The following HYAL4 variants were observed in gnomAD, a reference collection of about 807,000 sequenced individuals.
HYAL4 encodes the protein hyaluronidase-4.
In HYAL4, 37 loss-of-function variants were observed where a neutral mutation model predicts 35.2. The ratio of observed to expected loss-of-function variants is 1.05; its 90% CI spans 0.81 to 1.38. The LOEUF is 1.38. Ranked by LOEUF, HYAL4 falls within the 40% of genes most tolerant of loss-of-function variation. The probability of loss-of-function intolerance (pLI) is 0.00; values close to 1 mark genes in which losing one functional copy is unlikely to be tolerated. For synonymous variants in HYAL4, 198 were observed against 203.2 expected, an observed-to-expected ratio of 0.97 and a Z score of 0.22; for missense variants, 572 against 572.4, an observed-to-expected ratio of 1.00 and a Z score of 0.01.
the HYAL4 span, among the ~76,000 whole-genome samples, chr7:123,799,039 G>A: frequency 6.6e-6 from 1 of 152,136 alleles, no homozygotes; most frequent in Non-Finnish European, 1.5e-5. Flanking sequence ...CTTGCAACTA[G>A]ACTGAAGGGG....
chr7:123,796,231 C>A, the HYAL4 span, among the ~76,000 whole-genome samples: 2 of 152,192 alleles, frequency 1.3e-5, no homozygotes, highest in African/African-American at 2.4e-5. Context: ...TGGGAACAGA[C>A]AACTGTGGAG....
At chr7:123,805,866 G>C in the HYAL4 span, among the ~76,000 whole-genome samples, 1 of 152,042 alleles carries the variant, frequency 6.6e-6, no homozygotes, top group Non-Finnish European at 1.5e-5. Context: ...GTAGTGGCAG[G>C]CACCTGTAAT....
the HYAL4 span, among the ~76,000 whole-genome samples, chr7:123,798,350 T>TTCCTTATTATGGGATGA: frequency 6.6e-6 from 1 of 152,012 alleles, no homozygotes; most frequent in African/African-American, 2.4e-5. Flanking sequence ...AGGGAAAGAG[T>TTCCTTATTATGGGATGA]AGGTGTGTTC....
the HYAL4 span, among the ~76,000 whole-genome samples, chr7:123,813,180 G>A: frequency 1.3e-5 from 2 of 151,990 alleles, no homozygotes; most frequent in Admixed American, 1.3e-4. Context: ...AAGAAACTGA[G>A]TTTAATTATA....
chr7:123,794,633 C>T, the HYAL4 span, among the ~76,000 whole-genome samples: 1 of 152,222 alleles, frequency 6.6e-6, no homozygotes, highest in Non-Finnish European at 1.5e-5. Flanking sequence ...TGGCAGCTTA[C>T]ATGTGGTTTT....
chr7:123,876,179 A>G, intron 4 of HYAL4: 1 of 391,680 alleles, frequency 2.6e-6, no homozygotes, highest in Non-Finnish European at 5.0e-6. Context: ...TTTGAATTGT[A>G]TTAGAAGTAC....
At chr7:123,795,786 T>C in the HYAL4 span, among the ~76,000 whole-genome samples, 22 of 152,276 alleles carry the variant, frequency 1.4e-4, no homozygotes, top group African/African-American at 4.8e-4. Context: ...ATGAAACATA[T>C]GAAGTTGTAA....
the HYAL4 span, among the ~76,000 whole-genome samples, chr7:123,769,894 C>T: frequency 1.6e-3 from 236 of 149,900 alleles, 1 homozygote; most frequent in Middle Eastern, 0.011. Flanking sequence ...GATATGAGGA[C>T]TCGTGGATTT....
the HYAL4 span, among the ~76,000 whole-genome samples, chr7:123,800,306 A>T: frequency 2.0e-5 from 3 of 150,364 alleles, no homozygotes; most frequent in Non-Finnish European, 4.4e-5. Context: ...AGTAGCTGGG[A>T]CTACGGGCAC....
Position 123,868,381 on chromosome 7 carries a change from AC to A in HYAL4, c.110del (p.Pro37LeufsTer13). 6.2e-7 allele frequency: 1 copy of A among 1,612,850 alleles called. No individual in the cohort carries two copies. Among genetic ancestry groups the A allele is most frequent in the Non-Finnish European group, 8.5e-7 (1 of 1,179,356 alleles). ...TTCTAAAGTCTATCTCTTGTCTAAAACCTGCTCGACTTCCAATTTATCAAAG... is the reference window on the plus strand; with the variant it reads ...TTCTAAAGTCTATCTCTTGTCTAAAACTGCTCGACTTCCAATTTATCAAAG... ...FILKSISCLKPARLPIYQRKP... is the reference protein window; with the variant it reads ...FILKSISCLKXARLPIYQRKP... On this transcript the variant is annotated frameshift_variant, in exon 3 of 5. Coordinates refer to ENST00000223026, the MANE Select transcript of HYAL4 (RefSeq NM_012269.3). LOFTEE classifies it high-confidence loss of function.
the HYAL4 span, among the ~76,000 whole-genome samples, chr7:123,768,066 C>T: frequency 2.0e-5 from 3 of 152,116 alleles, no homozygotes; most frequent in Middle Eastern, 6.8e-3. Flanking sequence ...TCTGGCAACC[C>T]TACCACAAAG....
chr7:123,864,359 G>C (rs1430107786), intron 2 of HYAL4, among the ~76,000 whole-genome samples: 1 of 152,156 alleles, frequency 6.6e-6, no homozygotes, highest in African/African-American at 2.4e-5. Context: ...TCTAAGGAGA[G>C]AAACCTGGGC....
At chr7:123,804,712 C>T in the HYAL4 span, among the ~76,000 whole-genome samples, 4 of 152,098 alleles carry the variant, frequency 2.6e-5, no homozygotes, top group African/African-American at 9.7e-5. Context: ...GATTTTGTGT[C>T]CATCTTTAGC....
At chr7:123,823,746 C>T in the HYAL4 span, among the ~76,000 whole-genome samples, 2 of 132,442 alleles carry the variant, frequency 1.5e-5, no homozygotes, top group African/African-American at 3.0e-5. Flanking sequence ...TATATATATA[C>T]ACACACACAC....
the HYAL4 span, among the ~76,000 whole-genome samples, chr7:123,789,868 T>C: frequency 6.6e-6 from 1 of 152,066 alleles, no homozygotes; most frequent in Non-Finnish European, 1.5e-5. Context: ...ACAGAGAGAT[T>C]GAGAGCCAGA....
chr7:123,774,450 T>C, the HYAL4 span, among the ~76,000 whole-genome samples: 8 of 152,214 alleles, frequency 5.3e-5, no homozygotes, highest in Middle Eastern at 3.4e-3. Flanking sequence ...TTTTTTTTCC[T>C]GTGAAATCTG....
the HYAL4 span, among the ~76,000 whole-genome samples, chr7:123,812,627 T>G: frequency 6.6e-6 from 1 of 152,310 alleles, no homozygotes; most frequent in East Asian, 1.9e-4. Context: ...CCTTTGGCTC[T>G]AAAAAATTTA....
upstream of HYAL4, among the ~76,000 whole-genome samples, chr7:123,824,956 G>A (rs527794252): frequency 6.6e-4 from 100 of 152,144 alleles, no homozygotes; most frequent in Non-Finnish European, 1.1e-3. Flanking sequence ...TGTGGTTCTA[G>A]GACAGTGCTC....
the HYAL4 span, among the ~76,000 whole-genome samples, chr7:123,804,545 G>T: frequency 4.6e-5 from 7 of 151,854 alleles, no homozygotes; most frequent in Non-Finnish European, 1.0e-4. Flanking sequence ...TTTAAAAAAA[G>T]AAAAAGTTAG....
Sources: gnomAD v4.1 joint callset for allele counts (sites outside exome capture counted in the v4.1 genomes callset) on GRCh38, gnomAD v4.1.1 for gene constraint, MANE v1.5 for transcripts, NCBI Gene and HGNC (gene_info 2026-07-23, HGNC 2026-07-21) for gene names.